GPC6: variants seen among roughly 807,000 people sequenced by gnomAD.
GPC6 encodes the protein glypican 6.
In GPC6, 14 loss-of-function variants were observed where a neutral mutation model predicts 55.2. The ratio of observed to expected loss-of-function variants is 0.25; its 90% CI spans 0.17 to 0.40. GPC6 has a LOEUF of 0.40. Ranked by LOEUF, GPC6 falls within the 10% of genes least tolerant of loss-of-function variation. The pLI is 1.00. For synonymous variants in GPC6, 278 were observed against 259.6 expected, an observed-to-expected ratio of 1.07 and a Z score of -0.68; for missense variants, 641 against 708.5, an observed-to-expected ratio of 0.90 and a Z score of 1.08.
At chr13:93,961,780 G>A (rs1255698127) in intron 3 of GPC6, among the ~76,000 whole-genome samples, 6 of 151,374 alleles carry the variant, frequency 4.0e-5, no homozygotes, top group Admixed American at 2.6e-4. Context: ...ATGTTTTAGT[G>A]CTATTTTAAG....
intron 2 of GPC6, among the ~76,000 whole-genome samples, chr13:93,556,295 C>G (rs1875459146): frequency 6.7e-6 from 1 of 149,408 alleles, no homozygotes; most frequent in African/African-American, 2.5e-5. Context: ...TTTTGGGTTA[C>G]TTTTTTTTGC....
intron 1 of GPC6, among the ~76,000 whole-genome samples, chr13:93,308,605 C>T (rs1470274250): frequency 6.6e-6 from 1 of 152,092 alleles, no homozygotes; most frequent in Admixed American, 6.5e-5. Context: ...CCACAGCCAG[C>T]TAACTTTTGT....
chr13:94,374,088 C>G (rs954897171), intron 6 of GPC6, among the ~76,000 whole-genome samples: 1 of 151,948 alleles, frequency 6.6e-6, no homozygotes, highest in Non-Finnish European at 1.5e-5. Flanking sequence ...AAGGAACAAC[C>G]GATACCAGCC....
At chr13:94,175,084 T>C (rs1566501053) in intron 4 of GPC6, among the ~76,000 whole-genome samples, 1 of 152,170 alleles carries the variant, frequency 6.6e-6, no homozygotes, top group African/African-American at 2.4e-5. Context: ...TTCTTATAAA[T>C]GAAATTATAC....
chr13:93,533,947 A>G (rs968475852), intron 1 of GPC6, among the ~76,000 whole-genome samples: 3 of 152,038 alleles, frequency 2.0e-5, no homozygotes, highest in Admixed American at 6.6e-5. Context: ...CCTATTGGGA[A>G]GCAATGTTCA....
chr13:94,151,985 A>G (rs1887759024), intron 4 of GPC6, among the ~76,000 whole-genome samples: 1 of 151,522 alleles, frequency 6.6e-6, no homozygotes, highest in Non-Finnish European at 1.5e-5. Context: ...CTTTTCCTCC[A>G]TTCAGTGTGG....
chr13:94,180,620 C>T (rs1168869846), intron 4 of GPC6, among the ~76,000 whole-genome samples: 1 of 152,066 alleles, frequency 6.6e-6, no homozygotes, highest in Non-Finnish European at 1.5e-5. Flanking sequence ...GCCTTCTTCT[C>T]CCTTAGCAAT....
chr13:94,127,216 G>A (rs1419963289), intron 4 of GPC6, among the ~76,000 whole-genome samples: 1 of 152,026 alleles, frequency 6.6e-6, no homozygotes, highest in East Asian at 1.9e-4. Flanking sequence ...ATGGTTGATA[G>A]AGTTTGGATA....
At chr13:94,005,478 A>G (rs543549904) in intron 3 of GPC6, among the ~76,000 whole-genome samples, 1 of 152,212 alleles carries the variant, frequency 6.6e-6, no homozygotes, top group Non-Finnish European at 1.5e-5. Flanking sequence ...TAAAAGGTAC[A>G]ACACAGAGTC....
chr13:93,830,558 G>T lies in GPC6; in HGVS notation c.711+13G>T, dbSNP rs763482789. The T allele has an allele frequency of 1.9e-6, 3 of 1,554,086 alleles. No individual in the cohort carries two copies. Among genetic ancestry groups the T allele is most frequent in the Non-Finnish European group, 2.6e-6 (3 of 1,146,070 alleles). On this transcript the variant is annotated intron_variant, in intron 3 of 8. Transcript: ENST00000377047. ...CCGAGTTTCCAAGGTAATTGAAAAC[G>T]TGCTTTCTTTCTCATTGGTGTTCCT...
intron 2 of GPC6, among the ~76,000 whole-genome samples, chr13:93,596,775 CACAT>C (rs1331188688): frequency 1.4e-5 from 2 of 147,680 alleles, no homozygotes; most frequent in African/African-American, 4.9e-5. Context: ...TATATATACA[CACAT>C]ACACAGGTAC....
At chr13:93,602,970 G>A (rs1878080339) in intron 2 of GPC6, among the ~76,000 whole-genome samples, 1 of 151,316 alleles carries the variant, frequency 6.6e-6, no homozygotes, top group Admixed American at 6.6e-5. Flanking sequence ...CTGAGTGTCA[G>A]TATTATTTCC....
intron 4 of GPC6, among the ~76,000 whole-genome samples, chr13:94,102,516 T>A (rs1396150371): frequency 3.3e-5 from 5 of 151,838 alleles, no homozygotes; most frequent in Admixed American, 2.0e-4. Flanking sequence ...TTTTTTTTTT[T>A]AATTTCATCC....
At chr13:93,600,348 A>C (rs1877954500) in intron 2 of GPC6, among the ~76,000 whole-genome samples, 2 of 152,344 alleles carry the variant, frequency 1.3e-5, no homozygotes, top group Non-Finnish European at 1.5e-5. Flanking sequence ...AGAGAACAGT[A>C]AATTCACCAC....
intron 6 of GPC6, among the ~76,000 whole-genome samples, chr13:94,356,102 T>A (rs112559045): frequency 0.062 from 9,440 of 152,276 alleles, 430 homozygotes; most frequent in East Asian, 0.25. Flanking sequence ...TCCATCCATG[T>A]CCCTGCAAAG....
intron 6 of GPC6, among the ~76,000 whole-genome samples, chr13:94,366,476 T>C (rs1047720406): frequency 2.6e-5 from 4 of 152,186 alleles, no homozygotes; most frequent in Non-Finnish European, 5.9e-5. Flanking sequence ...GATGATAGAA[T>C]AGATGATGGT....
chr13:93,860,316 G>T (rs12428209), intron 3 of GPC6, among the ~76,000 whole-genome samples: 1 of 151,480 alleles, frequency 6.6e-6, no homozygotes, highest in Non-Finnish European at 1.5e-5. Context: ...CCTTATTAGC[G>T]CCAGGCTCAC....
rs1321920063 is a variant in GPC6, at chr13:93,276,481, AGAGAGAGAGAGAGAGTGT to A, written c.160+48867_160+48884del. On this transcript the variant is annotated intron_variant, in intron 1 of 8. Transcript: ENST00000377047. ...TTCAGAGAGAGAGAGAGAGAGAGAG[AGAGAGAGAGAGAGAGTGT>A]GTGTGTGTGTGTGTGTGTGTGTGTG... 2.8e-3 allele frequency among the ~76,000 whole-genome samples: 381 copies of A among 134,164 alleles called. 2 individuals are homozygous for A. Among genetic ancestry groups the A allele is most frequent in the African/African-American group, 0.012 (369 of 30,900 alleles). The allele number at this position is 134,164 out of a possible 152,430, so 88.0% of individuals were successfully genotyped here.
At chr13:94,337,487 A>T (rs1877775514) in intron 6 of GPC6, among the ~76,000 whole-genome samples, 1 of 149,470 alleles carries the variant, frequency 6.7e-6, no homozygotes, top group Admixed American at 6.7e-5. Flanking sequence ...TCCCTCTTTC[A>T]CCCAGGCTGG....
Sources: gnomAD v4.1 joint callset for allele counts (sites outside exome capture counted in the v4.1 genomes callset) on GRCh38, gnomAD v4.1.1 for gene constraint, MANE v1.5 for transcripts, NCBI Gene and HGNC (gene_info 2026-07-23, HGNC 2026-07-21) for gene names.